PLEKHG1: variants seen among roughly 807,000 people sequenced by gnomAD.
The protein encoded by PLEKHG1 is pleckstrin homology and RhoGEF domain containing G1.
In PLEKHG1, 44 loss-of-function variants were observed where a neutral mutation model predicts 100.8. The ratio of observed to expected loss-of-function variants is 0.44; its 90% confidence interval spans 0.34 to 0.56. The LOEUF (loss-of-function observed/expected upper bound fraction) is 0.56. Among genes scored for constraint, PLEKHG1 ranks in the 20% least tolerant of loss-of-function variants. The pLI is 0.01. For synonymous variants in PLEKHG1, 640 were observed against 662.5 expected, an observed-to-expected ratio of 0.97 and a Z score of 0.52; for missense variants, 1,545 against 1,720.9, an observed-to-expected ratio of 0.90 and a Z score of 1.81.
intron 2 of PLEKHG1, among the ~76,000 whole-genome samples, chr6:150,640,866 A>T (rs1055153097): frequency 7.2e-5 from 11 of 152,166 alleles, no homozygotes; most frequent in Non-Finnish European, 1.2e-4. Flanking sequence ...GTGGTCTAAT[A>T]TTGGGGACAG....
At chr6:150,655,812 G>T (rs1778947748) in intron 3 of PLEKHG1, among the ~76,000 whole-genome samples, 1 of 151,324 alleles carries the variant, frequency 6.6e-6, no homozygotes, top group South Asian at 2.1e-4. Flanking sequence ...GGACGTGGAT[G>T]AAGCTGGAAA....
At chr6:150,804,952 T>TTG (rs1554276428) in intron 7 of PLEKHG1, among the ~76,000 whole-genome samples, 5 of 148,656 alleles carry the variant, frequency 3.4e-5, no homozygotes, top group Non-Finnish European at 7.4e-5. Flanking sequence ...TTTTTTTTTT[T>TTG]GAGATGGAGT....
At chr6:150,832,264 T>C in intron 15 of PLEKHG1, 59 bp downstream of exon 16, 14 of 1,388,060 alleles carry the variant, frequency 1.0e-5, no homozygotes, top group Non-Finnish European at 1.4e-5. Context: ...GGTTTTCAGA[T>C]TTCAGATGTC....
At chr6:150,731,543 G>A (rs1241432369) in intron 1 of PLEKHG1, among the ~76,000 whole-genome samples, 2 of 152,170 alleles carry the variant, frequency 1.3e-5, no homozygotes, top group African/African-American at 4.8e-5. Context: ...CAACTGTTTA[G>A]TGATCTTTAT....
intron 2 of PLEKHG1, among the ~76,000 whole-genome samples, chr6:150,649,524 C>CT (rs998526443): frequency 2.1e-4 from 32 of 152,068 alleles, no homozygotes; most frequent in African/African-American, 7.7e-4. Flanking sequence ...TTTCTAGGCA[C>CT]TTTTTTTTAA....
intron 1 of PLEKHG1, among the ~76,000 whole-genome samples, chr6:150,725,267 T>A (rs2128612217): frequency 6.6e-6 from 1 of 152,310 alleles, no homozygotes; most frequent in South Asian, 2.1e-4. Context: ...AGAGCCCTCA[T>A]GACCTAATCA....
At position 150,641,972 on chromosome 6, in the gene PLEKHG1, G is replaced by GT. The variant is rs531020093; in HGVS notation, c.-158+3848dup. On this transcript the variant is annotated intron_variant, in intron 2 of 3. Transcript: ENST00000367326. ...GTAACCCTTTTTTTTTTCAAGTGATGTAACACATTTCCCGAATAAAGTATA... is the reference window on the plus strand; with the variant it reads ...GTAACCCTTTTTTTTTTCAAGTGATGTTAACACATTTCCCGAATAAAGTATA... Among the ~76,000 whole-genome samples, 608 of 133,706 alleles carry GT rather than the reference G, an allele frequency of 4.5e-3. 2 individuals are homozygous for GT. The highest frequency in any genetic ancestry group is 6.8e-3 in the Non-Finnish European group (439 of 64,162). 87.7% of individuals were successfully genotyped at this position (133,706 alleles called of 152,430 possible). A position where few individuals can be genotyped will look rare whatever the true frequency, so the allele number is the denominator to read the frequency against.
chr6:150,830,742 C>G lies in PLEKHG1; in HGVS notation c.1631C>G (p.Pro544Arg), dbSNP rs921342886. The stretch of plus-strand genomic sequence containing the variant: ...CACCAGATCAGGCAAGCCTTGTTTC[C>G]CAGCCGACGGTCCCCGCAGGAGAAT... The change falls in exon 15 of 16, where the codon CCC (proline) becomes CGC (arginine). Residue 544 changes from proline to arginine, a missense_variant. Coordinates refer to ENST00000358517, the Ensembl canonical transcript of PLEKHG1. The G allele has an allele frequency of 3.7e-6, 6 of 1,614,008 alleles. No individual in the cohort carries two copies. The Admixed American group carries it at 6.7e-5, about 18-fold the overall frequency.
intron 1 of PLEKHG1, among the ~76,000 whole-genome samples, chr6:150,724,758 A>T (rs9322281): frequency 2.6e-5 from 4 of 151,576 alleles, no homozygotes; most frequent in African/African-American, 9.7e-5. Flanking sequence ...CGGGGGTTTC[A>T]TCATGTTGGC....
chr6:150,843,115 TG>T (rs1777605011), exon 16 of PLEKHG1: 1 of 152,258 alleles, frequency 6.6e-6, no homozygotes, highest in African/African-American at 2.4e-5. Context: ...TTTCGCTTTT[TG>T]ATTGGTATTA....
At chr6:150,750,790 A>AAG (rs1483817948) in intron 2 of PLEKHG1, among the ~76,000 whole-genome samples, 2 of 150,318 alleles carry the variant, frequency 1.3e-5, no homozygotes, top group Non-Finnish European at 3.0e-5. Context: ...CAAAAAAAAA[A>AAG]AAAAAAAAAA....
chr6:150,806,949 AC>A (rs1351692239), intron 7 of PLEKHG1, among the ~76,000 whole-genome samples: 1 of 151,700 alleles, frequency 6.6e-6, no homozygotes, highest in Non-Finnish European at 1.5e-5. Context: ...TCTCCCTCCC[AC>A]CTGGGACATG....
chr6:150,769,584 CA>C (rs5880898), intron 3 of PLEKHG1, among the ~76,000 whole-genome samples: 102 of 64,326 alleles, frequency 1.6e-3, no homozygotes, highest in African/African-American at 2.0e-3. Flanking sequence ...GACTCCATCT[CA>C]AAAAAAAAAA....
intron 1 of PLEKHG1, among the ~76,000 whole-genome samples, chr6:150,732,708 C>G (rs985371356): frequency 6.6e-6 from 1 of 152,170 alleles, no homozygotes; most frequent in Non-Finnish European, 1.5e-5. Context: ...ACCTCTGCCT[C>G]CCGGGTTCAA....
chr6:150,779,323 G>C (rs140578927), intron 3 of PLEKHG1, among the ~76,000 whole-genome samples: 324 of 146,710 alleles, frequency 2.2e-3, no homozygotes, highest in African/African-American at 8.0e-3. Flanking sequence ...TAAAACACAG[G>C]GGGTTAAATA....
intron 12 of PLEKHG1, among the ~76,000 whole-genome samples, chr6:150,820,483 A>G (rs1776233849): frequency 6.6e-6 from 1 of 152,110 alleles, no homozygotes; most frequent in African/African-American, 2.4e-5. Context: ...TTCATTACCC[A>G]CTTTATGCTT....
chr6:150,736,522 A>C (rs1426343203), intron 2 of PLEKHG1, among the ~76,000 whole-genome samples: 16 of 152,190 alleles, frequency 1.1e-4, no homozygotes, highest in African/African-American at 3.9e-4. Flanking sequence ...TAATCCCAGC[A>C]CTTTGGGAGG....
At position 150,600,627 on chromosome 6, in the gene PLEKHG1, T is replaced by C. The variant is rs1323997340; in HGVS notation, c.-204+610T>C. On this transcript the variant is annotated intron_variant, in intron 1 of 3. Coordinates refer to the PLEKHG1 transcript ENST00000367326. This position sits in a 1 kb window ranked among gnomAD's most constrained non-coding sequence, Gnocchi z 6.2. ...CAGGGGGTGGGGAGTCAAGAGCCTGTGGCTCTTCCGTCACGGGGTAAACGG... is the reference window on the plus strand; with the variant it reads ...CAGGGGGTGGGGAGTCAAGAGCCTGCGGCTCTTCCGTCACGGGGTAAACGG... 1.3e-5 allele frequency among the ~76,000 whole-genome samples: 2 copies of C among 152,204 alleles called. No homozygotes were observed. The highest frequency in any genetic ancestry group is 2.9e-5 in the Non-Finnish European group (2 of 68,020).
intron 3 of PLEKHG1, chr6:150,664,598 G>A (rs1280828257): frequency 6.6e-6 from 1 of 152,274 alleles, no homozygotes; most frequent in African/African-American, 2.4e-5. Flanking sequence ...TCCTTCTTCA[G>A]AGTCCCTCAA....
Sources: allele counts gnomAD v4.1 joint callset (sites outside exome capture counted in the v4.1 genomes callset), GRCh38; gene constraint gnomAD v4.1.1; non-coding constraint Gnocchi (gnomAD v3.1); transcripts MANE v1.5; gene names NCBI Gene and HGNC (gene_info 2026-07-23, HGNC 2026-07-21).